The following RLF variants were observed in gnomAD, a reference collection of about 807,000 sequenced individuals.
RLF encodes the protein zinc finger protein Rlf.
RLF carries 7 observed loss-of-function variants against 162.9 expected under a neutral mutation model. That is an observed-to-expected ratio of 0.04 (90% CI 0.02 to 0.08). The LOEUF (loss-of-function observed/expected upper bound fraction) is 0.08. RLF is among the 10% of genes least tolerant of loss of function. The pLI, the probability that RLF is intolerant of heterozygous loss-of-function variation, is 1.00. For synonymous variants in RLF, 782 were observed against 791.5 expected, an observed-to-expected ratio of 0.99 and a Z score of 0.20; for missense variants, 1,664 against 2,244.7, an observed-to-expected ratio of 0.74 and a Z score of 5.23.
intron 1 of RLF, among the ~76,000 whole-genome samples, chr1:40,188,269 A>G (rs1642508881): frequency 6.6e-6 from 1 of 152,208 alleles, no homozygotes; most frequent in African/African-American, 2.4e-5. Context: ...GCTTTCCACC[A>G]TCATTTGGAC....
Position 40,237,681 on chromosome 1 carries a change from G to T in RLF, c.2979G>T (p.Leu993=), listed in dbSNP as rs868231010. 6.2e-7 allele frequency: 1 copy of T among 1,614,100 alleles called. No individual in the cohort carries two copies. The change falls in exon 8 of 8, where the codon CTG becomes CTT. Residue 993 remains leucine, a synonymous_variant. Coordinates refer to ENST00000372771, the MANE Select transcript of RLF (RefSeq NM_012421.4). The surrounding 1 kb of genome is among the most constrained non-coding windows in gnomAD (Gnocchi z 4.4). ...FKPKKIKTKD[L]FPSLGNEHNQ... ...CCAAAAAGATAAAGACGAAAGATCT[G>T]TTTCCCTCTTTGGGTAATGAACATA... is the stretch of plus-strand genomic sequence containing the variant.
chr1:40,200,915 C>CCTTAGTATAAACCATTGCTACTCT lies in RLF; in HGVS notation c.608-1497_608-1496insCTTAGTATAAACCATTGCTACTCT, dbSNP rs1557748511. 4.8e-5 allele frequency among the ~76,000 whole-genome samples: 6 copies of CCTTAGTATAAACCATTGCTACTCT among 124,058 alleles called. 1 individual carries two copies. The highest frequency in any genetic ancestry group is 5.2e-4 in the South Asian group (2 of 3,834). 81.4% of individuals were successfully genotyped at this position (124,058 alleles called of 152,430 possible). On this transcript the variant is annotated intron_variant, in intron 4 of 7. Transcript: ENST00000372771. ...ACACACACACACACACACACACACA[C>CCTTAGTATAAACCATTGCTACTCT]ACACACACACACACACACACACACT...
chr1:40,185,863 AAAC>A (rs1256604469), intron 1 of RLF, among the ~76,000 whole-genome samples: 8 of 144,018 alleles, frequency 5.6e-5, no homozygotes, highest in African/African-American at 2.1e-4. Flanking sequence ...AAAAAAAAAA[AAAC>A]CACAAAGGCT....
rs765020752 is a variant in RLF, at chr1:40,173,073, G to GTT, written c.237+11454_237+11455dup. Among the ~76,000 whole-genome samples, 409 of 128,958 alleles carry GTT rather than the reference G, an allele frequency of 3.2e-3. 24 individuals are homozygous for GTT. The highest frequency in any genetic ancestry group is 0.012 in the South Asian group (51 of 4,084). The allele number at this position is 128,958 out of a possible 152,430, so 84.6% of individuals were successfully genotyped here. A position where few individuals can be genotyped will look rare whatever the true frequency, so the allele number is the denominator to read the frequency against. On this transcript the variant is annotated intron_variant, in intron 1 of 7. Transcript: ENST00000372771. ...TAATTTGCATTTTAGTAACATTCAG[G>GTT]TTTTTTTTTTTTTTTTTTGTGAGGC...
chr1:40,215,778 C>T (rs757849924), intron 5 of RLF, among the ~76,000 whole-genome samples: 4 of 151,842 alleles, frequency 2.6e-5, no homozygotes, highest in African/African-American at 4.8e-5. Flanking sequence ...TGATGAAACA[C>T]AACATACCAA....
chr1:40,225,286 A>G (rs546032164), intron 6 of RLF, among the ~76,000 whole-genome samples: 15 of 152,312 alleles, frequency 9.8e-5, no homozygotes, highest in South Asian at 4.1e-4. Flanking sequence ...AATGTAAACT[A>G]TGTAGCTATT....
Position 40,235,793 on chromosome 1 carries a change from C to A in RLF, c.1091C>A (p.Ala364Glu). ...TTTTTTATCCTCTTTTACTTACAGG[C>A]ACAAGATGCTGGTCTTGGGGTGTCA... ...FCLIRVIQTE[A>E]QDAGLGVSIL... The change falls in exon 8 of 8, where the codon GCA (alanine) becomes GAA (glutamate). Residue 364 changes from alanine to glutamate, a missense_variant and splice_region_variant. Ala to Glu is a moderately radical substitution (Grantham distance 107). Transcript: ENST00000372771. The A allele has an allele frequency of 6.5e-7, 1 of 1,540,384 alleles. No individual in the cohort carries two copies.
intron 1 of RLF, among the ~76,000 whole-genome samples, chr1:40,183,854 C>G (rs894603981): frequency 6.6e-6 from 1 of 151,944 alleles, no homozygotes; most frequent in Non-Finnish European, 1.5e-5. Context: ...GTTTAGTGGC[C>G]GTAAAGCTCT....
chr1:40,184,449 T>C (rs948972967), intron 1 of RLF, among the ~76,000 whole-genome samples: 1 of 152,136 alleles, frequency 6.6e-6, no homozygotes, highest in Admixed American at 6.5e-5. Flanking sequence ...AACTTTGGTG[T>C]GGTGGTTTCA....
chr1:40,235,055 A>ATTT (rs761816149), intron 7 of RLF, among the ~76,000 whole-genome samples: 3,765 of 105,262 alleles, frequency 0.036, 146 homozygotes, highest in African/African-American at 0.053. Context: ...GATAGAGAGA[A>ATTT]TTTTTTTTTT....
chr1:40,189,328 T>C (rs1435112303), intron 2 of RLF, 119 bp downstream of exon 2: 2 of 753,662 alleles, frequency 2.7e-6, no homozygotes, highest in East Asian at 2.8e-5. Context: ...AGTCATACCA[T>C]TGAATGAAAT....
At chr1:40,213,661 GTAT>G (rs36104460) in intron 5 of RLF, among the ~76,000 whole-genome samples, 2,174 of 152,280 alleles carry the variant, frequency 0.014, 25 homozygotes, top group Non-Finnish European at 0.021. Flanking sequence ...AGTGAATGAA[GTAT>G]TATTATATGA....
chr1:40,179,785 TCTA>T (rs1183099802), intron 1 of RLF, among the ~76,000 whole-genome samples: 1 of 152,112 alleles, frequency 6.6e-6, no homozygotes, highest in Non-Finnish European at 1.5e-5. Flanking sequence ...CAACCATCAT[TCTA>T]CTATCTGTCT....
intron 4 of RLF, among the ~76,000 whole-genome samples, chr1:40,200,772 CTTTATATTAT>C (rs1002638189): frequency 1.3e-4 from 19 of 148,876 alleles, no homozygotes; most frequent in Non-Finnish European, 2.4e-4. Context: ...ATATGTTTTT[CTTTATATTAT>C]TTTAAAGGAT....
intron 1 of RLF, among the ~76,000 whole-genome samples, chr1:40,182,381 C>T (rs776393542): frequency 1.8e-4 from 27 of 152,056 alleles, no homozygotes; most frequent in South Asian, 4.2e-4. Context: ...TTGCAGTGAG[C>T]GCAGATTGCG....
rs571578805 is a variant in RLF, at chr1:40,172,163, A to T, written c.237+10527A>T. 3.3e-5 allele frequency among the ~76,000 whole-genome samples: 5 copies of T among 151,282 alleles called. No individual in the cohort carries two copies. In the South Asian group the frequency reaches 1.0e-3, roughly 31 times the overall value. ...CTTAACTAAAAAAAAATTTTTTTTAAACTATAAAAGCACTTCTTGTGGCAA... is the reference window on the plus strand; with the variant it reads ...CTTAACTAAAAAAAAATTTTTTTTATACTATAAAAGCACTTCTTGTGGCAA... On this transcript the variant is annotated intron_variant, in intron 1 of 7. Coordinates refer to ENST00000372771, the MANE Select transcript of RLF (RefSeq NM_012421.4).
At chr1:40,189,277 C>T in intron 2 of RLF, 68 bp downstream of exon 2, 1 of 1,295,776 alleles carries the variant, frequency 7.7e-7, no homozygotes, top group Non-Finnish European at 1.1e-6. Flanking sequence ...CCTGGTTTCT[C>T]TTTACAGTGG....
At chr1:40,166,907 G>C (rs985807344) in intron 1 of RLF, among the ~76,000 whole-genome samples, 3 of 151,736 alleles carry the variant, frequency 2.0e-5, no homozygotes, top group Non-Finnish European at 2.9e-5. Context: ...TAATGTAAAT[G>C]ACGAGTTAAT....
At chr1:40,181,629 A>C (rs1051643111) in intron 1 of RLF, among the ~76,000 whole-genome samples, 1 of 152,142 alleles carries the variant, frequency 6.6e-6, no homozygotes, top group Non-Finnish European at 1.5e-5. Flanking sequence ...ATATATGAAA[A>C]ATTTTCTTGA....
Sources: gnomAD v4.1 joint callset for allele counts (sites outside exome capture counted in the v4.1 genomes callset) on GRCh38, gnomAD v4.1.1 for gene constraint, Gnocchi (gnomAD v3.1) non-coding constraint, MANE v1.5 for transcripts, NCBI Gene and HGNC (gene_info 2026-07-23, HGNC 2026-07-21) for gene names.